DTNA: variants seen among roughly 807,000 people sequenced by gnomAD.
DTNA encodes the protein dystrophin-related protein 3.
A neutral mutation model predicts 100.7 loss-of-function variants in DTNA; 43 were observed. The observed-to-expected ratio is 0.43, with a 90% confidence interval of 0.33 to 0.55. The LOEUF is 0.55. Among genes scored for constraint, DTNA ranks in the 20% least tolerant of loss-of-function variants. DTNA has a pLI of 0.04. For missense variants in DTNA, 798 were observed against 953.9 expected, an observed-to-expected ratio of 0.84 and a Z score of 2.15; for synonymous variants, 349 against 347.9, an observed-to-expected ratio of 1.00 and a Z score of -0.04.
chr18:34,835,910 A>C (rs2096130740), intron 11 of DTNA, among the ~76,000 whole-genome samples: 1 of 152,350 alleles, frequency 6.6e-6, no homozygotes. Flanking sequence ...AATTTCTGAG[A>C]TTCAAAGAAC....
chr18:34,589,313 A>T (rs958668057), intron 1 of DTNA, among the ~76,000 whole-genome samples: 1 of 152,098 alleles, frequency 6.6e-6, no homozygotes, highest in Non-Finnish European at 1.5e-5. Context: ...AGTTACTTTC[A>T]TGTGTGTGTA....
rs111792626 is a variant in DTNA at position 34,527,847 on chromosome 18, C to T, written c.-2+34333C>T. On this transcript the variant is annotated intron_variant, in intron 1 of 19. Transcript: ENST00000283365. ...TAAAATCCTAAGCTTTGCTTGAACC[C>T]GTATCAAGCTCAATAAAGTCACCTA... Among the ~76,000 whole-genome samples the T allele has an allele frequency of 3.1e-3, 472 of 152,074 alleles. 4 individuals carry two copies. Among genetic ancestry groups the T allele is most frequent in the South Asian group, 0.023 (110 of 4,818 alleles).
Position 34,684,793 on chromosome 18 carries a change from A to T in DTNA, c.-1-71183A>T, listed in dbSNP as rs558198649. 6.4e-4 allele frequency among the ~76,000 whole-genome samples: 98 copies of T among 152,246 alleles called. 1 individual carries two copies. Among genetic ancestry groups the T allele is most frequent in the African/African-American group, 2.2e-3 (90 of 41,542 alleles). On this transcript the variant is annotated intron_variant, in intron 1 of 19. Coordinates refer to the DTNA transcript ENST00000283365. ...TGTAAAAGCATTCCTATTTCTCCACATCCTCTCCAGCATCGGTTGTTTCCT... is the reference window on the plus strand; with the variant it reads ...TGTAAAAGCATTCCTATTTCTCCACTTCCTCTCCAGCATCGGTTGTTTCCT...
Position 34,890,157 on chromosome 18 carries a change from T to G in DTNA, c.*2423T>G, listed in dbSNP as rs1203294435. 6 of 1,436,226 alleles carry G rather than the reference T, an allele frequency of 4.2e-6. No individual in the cohort carries two copies. The highest frequency in any genetic ancestry group is 2.5e-4 in the Middle Eastern group (1 of 3,932). The allele number at this position is 1,436,226 out of a possible 1,614,324, so 89.0% of individuals were successfully genotyped here. On this transcript the variant is annotated 3_prime_UTR_variant, in exon 23 of 23. Coordinates refer to ENST00000444659, the MANE Select transcript of DTNA (RefSeq NM_001386795.1). Reference sequence around the variant, plus strand: ...GATTTGAACTGTTCTGCTGATAACCTTCCCCGTTGTCATAGCTATTTCATT... The same window carrying G: ...GATTTGAACTGTTCTGCTGATAACCGTCCCCGTTGTCATAGCTATTTCATT...
intron 21 of DTNA, 85 bp downstream of exon 21, chr18:34,882,286 G>C (rs1182391957): frequency 1.3e-6 from 2 of 1,556,532 alleles, no homozygotes; most frequent in African/African-American, 1.4e-5. Context: ...TGCAGAATCA[G>C]AGCCTTCTTC....
chr18:34,845,713 G>A (rs143972806), intron 13 of DTNA, among the ~76,000 whole-genome samples: 91 of 152,294 alleles, frequency 6.0e-4, no homozygotes, highest in African/African-American at 2.0e-3. Flanking sequence ...CATTGAAGCT[G>A]TAATAAAGAA....
intron 1 of DTNA, among the ~76,000 whole-genome samples, chr18:34,497,092 A>G (rs570850071): frequency 2.6e-5 from 4 of 152,330 alleles, no homozygotes; most frequent in South Asian, 2.1e-4. Context: ...TTAATGTAAT[A>G]TAGTCATTTT....
At position 34,585,586 on chromosome 18, in the gene DTNA, CAG is replaced by C. The variant is rs536461396; in HGVS notation, c.-2+92073_-2+92074del. Among the ~76,000 whole-genome samples the C allele has an allele frequency of 2.2e-3, 339 of 151,904 alleles. 1 individual carries two copies. The highest frequency in any genetic ancestry group is 4.1e-3 in the Non-Finnish European group (279 of 67,944). ...ATGTGTGTGGTAGGGAGGTAGGTGA[CAG>C]GGAGGCAGGAAAGAAGAAAGAGAGA... On this transcript the variant is annotated intron_variant, in intron 1 of 19. Coordinates refer to the DTNA transcript ENST00000283365.
chr18:34,564,365 A>G (rs373935102), intron 1 of DTNA, among the ~76,000 whole-genome samples: 1 of 152,284 alleles, frequency 6.6e-6, no homozygotes, highest in Admixed American at 6.5e-5. Flanking sequence ...GCTGGTCTCG[A>G]ATTCCTGACC....
At chr18:34,553,695 T>G (rs1022818427) in intron 1 of DTNA, among the ~76,000 whole-genome samples, 32 of 150,568 alleles carry the variant, frequency 2.1e-4, no homozygotes, top group African/African-American at 7.3e-4. Flanking sequence ...GTTGTAGATA[T>G]GCGGCGTTAT....
intron 1 of DTNA, among the ~76,000 whole-genome samples, chr18:34,743,259 C>T (rs1203890415): frequency 6.6e-6 from 1 of 152,182 alleles, no homozygotes; most frequent in Non-Finnish European, 1.5e-5. Context: ...GGAGATCTTG[C>T]AGCCATAACT....
At chr18:34,528,703 AT>A (rs1027139807) in intron 1 of DTNA, among the ~76,000 whole-genome samples, 41 of 151,114 alleles carry the variant, frequency 2.7e-4, no homozygotes, top group African/African-American at 9.2e-4. Flanking sequence ...CCTTTCCTTC[AT>A]TTTTTTTTAC....
At chr18:34,582,864 A>G (rs1329790031) in intron 1 of DTNA, among the ~76,000 whole-genome samples, 1 of 152,214 alleles carries the variant, frequency 6.6e-6, no homozygotes, top group East Asian at 1.9e-4. Flanking sequence ...ACCTCAAATA[A>G]CAAAATATAC....
At position 34,535,410 on chromosome 18, in the gene DTNA, A is replaced by G. The variant is rs181547787; in HGVS notation, c.-2+41896A>G. On this transcript the variant is annotated intron_variant, in intron 1 of 19. Transcript: ENST00000283365. ...TATCCAGAATGGATGCCAGATGGAT[A>G]GATTGCAAAAATTTTCTCCCATTCT... Among the ~76,000 whole-genome samples, 11 of 152,192 alleles carry G rather than the reference A, an allele frequency of 7.2e-5. No homozygotes were observed. The East Asian group carries it at 2.1e-3, about 30-fold the overall frequency.
At chr18:34,852,430 A>G (rs1464704135) in intron 15 of DTNA, among the ~76,000 whole-genome samples, 1 of 152,108 alleles carries the variant, frequency 6.6e-6, no homozygotes, top group African/African-American at 2.4e-5. Context: ...CCTCTATTCA[A>G]CACAGATTGA....
chr18:34,666,547 GGTTTTAGGTCTAAC>G (rs2075956697), intron 1 of DTNA, among the ~76,000 whole-genome samples: 1 of 151,968 alleles, frequency 6.6e-6, no homozygotes, highest in Non-Finnish European at 1.5e-5. Context: ...GGGTTTTTAT[GGTTTTAGGTCTAAC>G]GTTTAAGTCT....
chr18:34,889,742 T>G lies in DTNA; in HGVS notation c.*2008T>G. On this transcript the variant is annotated 3_prime_UTR_variant, in exon 23 of 23. Coordinates refer to ENST00000444659, the MANE Select transcript of DTNA (RefSeq NM_001386795.1). ...AGCCCATCCTATCCCTTGACATACT[T>G]AATCATATATCTCTCCAGAGAACTC... 8.1e-6 allele frequency: 8 copies of G among 986,164 alleles called. No individual in the cohort carries two copies. The highest frequency in any genetic ancestry group is 9.6e-6 in the Non-Finnish European group (8 of 830,176). The allele number at this position is 986,164 out of a possible 1,614,324, so 61.1% of individuals were successfully genotyped here.
intron 1 of DTNA, among the ~76,000 whole-genome samples, chr18:34,583,610 G>A (rs1397628365): frequency 6.6e-6 from 1 of 151,286 alleles, no homozygotes; most frequent in Non-Finnish European, 1.5e-5. Context: ...AATGGAAATG[G>A]AATGAATGAG....
intron 2 of DTNA, among the ~76,000 whole-genome samples, chr18:34,763,654 ATATTC>A (rs1457208927): frequency 6.6e-6 from 1 of 152,196 alleles, no homozygotes; most frequent in African/African-American, 2.4e-5. Context: ...TGCTTTCTGT[ATATTC>A]TATACAGGTA....
Sources: allele counts gnomAD v4.1 joint callset (sites outside exome capture counted in the v4.1 genomes callset), GRCh38; gene constraint gnomAD v4.1.1; transcripts MANE v1.5; gene names NCBI Gene and HGNC (gene_info 2026-07-23, HGNC 2026-07-21).